The following GLIS3 variants were observed in gnomAD, a reference collection of about 807,000 sequenced individuals.
GLIS3 encodes zinc finger protein GLIS3.
A neutral mutation model predicts 78.6 loss-of-function variants in GLIS3; 53 were observed. The ratio of observed to expected loss-of-function variants is 0.67; its 90% CI spans 0.54 to 0.85. The LOEUF is 0.85. GLIS3 is among the 40% of genes least tolerant of loss of function. The probability of loss-of-function intolerance (pLI) is 0.00; values close to 1 mark genes in which losing one functional copy is unlikely to be tolerated. For missense variants in GLIS3, 1,703 were observed against 1,231.1 expected (o/e 1.38, Z -5.74); for synonymous variants, 684 against 509.9 (o/e 1.34, Z -4.60).
intron 2 of GLIS3, among the ~76,000 whole-genome samples, chr9:4,202,407 T>A: frequency 6.8e-6 from 1 of 146,712 alleles, no homozygotes; most frequent in Admixed American, 6.9e-5. Flanking sequence ...CACCTCAGCC[T>A]CCCAAGGACT....
At chr9:3,911,279 T>A (rs995286310) in intron 6 of GLIS3, among the ~76,000 whole-genome samples, 1 of 152,224 alleles carries the variant, frequency 6.6e-6, no homozygotes, top group Non-Finnish European at 1.5e-5. Context: ...AAAATCATCA[T>A]CAAGTAAAAT....
At chr9:4,267,661 A>T (rs912225900) in intron 2 of GLIS3, among the ~76,000 whole-genome samples, 3 of 152,210 alleles carry the variant, frequency 2.0e-5, no homozygotes, top group African/African-American at 7.2e-5. Flanking sequence ...ACTAGCTCCC[A>T]GTTCCTAAAA....
chr9:4,194,160 C>A (rs946593787), intron 2 of GLIS3, among the ~76,000 whole-genome samples: 3 of 152,154 alleles, frequency 2.0e-5, no homozygotes, highest in Non-Finnish European at 4.4e-5. Flanking sequence ...TGGGTTCAAG[C>A]AACTCTCCTG....
At chr9:4,192,808 T>TAAA (rs60636471) in intron 2 of GLIS3, among the ~76,000 whole-genome samples, 1 of 142,438 alleles carries the variant, frequency 7.0e-6, no homozygotes, top group South Asian at 2.2e-4. Context: ...ATACAATATT[T>TAAA]AAAAAAAAAA....
At chr9:3,980,915 G>C (rs1381693170) in intron 4 of GLIS3, among the ~76,000 whole-genome samples, 1 of 152,134 alleles carries the variant, frequency 6.6e-6, no homozygotes, top group Non-Finnish European at 1.5e-5. Context: ...GCATTTCAAT[G>C]AGCGTTCTGT....
intron 5 of GLIS3, among the ~76,000 whole-genome samples, chr9:3,934,102 T>C (rs1467193989): frequency 6.6e-6 from 1 of 152,204 alleles, no homozygotes; most frequent in Admixed American, 6.5e-5. Context: ...AATAGTGAGT[T>C]TATTATTGGC....
chr9:3,898,672 C>G lies in GLIS3; in HGVS notation c.2128+19G>C. ...TAAAAAAGGGTAGTTGTGGTTGGCT[C>G]TGCCTTTGCTGTCTTTACCTGAATA... is the stretch of plus-strand genomic sequence containing the variant. On this transcript the variant is annotated intron_variant, in intron 7 of 10. Coordinates refer to ENST00000381971, the MANE Select transcript of GLIS3 (RefSeq NM_001042413.2). The G allele has an allele frequency of 1.9e-6, 3 of 1,614,036 alleles. No homozygotes were observed. The highest frequency in any genetic ancestry group is 2.5e-6 in the Non-Finnish European group (3 of 1,179,996).
At chr9:4,024,838 G>T (rs1823187818) in intron 4 of GLIS3, among the ~76,000 whole-genome samples, 1 of 152,134 alleles carries the variant, frequency 6.6e-6, no homozygotes, top group African/African-American at 2.4e-5. Context: ...ATTTAGATCT[G>T]TGATTCTTAG....
intron 4 of GLIS3, among the ~76,000 whole-genome samples, chr9:4,055,211 G>T (rs10123460): frequency 0.05 from 7,632 of 152,248 alleles, 517 homozygotes; most frequent in East Asian, 0.23. Flanking sequence ...GACATCAATA[G>T]AGTTGGCAAG....
chr9:4,212,463 C>A (rs937512191), intron 2 of GLIS3, among the ~76,000 whole-genome samples: 1 of 152,148 alleles, frequency 6.6e-6, no homozygotes, highest in African/African-American at 2.4e-5. Flanking sequence ...AAATGTGGTC[C>A]CTTGCAGTCC....
chr9:3,898,395 A>C (rs1250725281), intron 7 of GLIS3: 4 of 424,026 alleles, frequency 9.4e-6, no homozygotes, highest in Non-Finnish European at 1.3e-5. Context: ...CTTCGAGTCT[A>C]AATCAAGTGA....
At chr9:4,321,675 A>G (rs1284990009) in intron 2 of GLIS3, among the ~76,000 whole-genome samples, 1 of 138,322 alleles carries the variant, frequency 7.2e-6, no homozygotes, top group Non-Finnish European at 1.5e-5. Flanking sequence ...CCTCCTCCAA[A>G]GGTAACTACC....
At chr9:3,845,061 A>G (rs1392404666) in intron 9 of GLIS3, among the ~76,000 whole-genome samples, 18 of 119,596 alleles carry the variant, frequency 1.5e-4, no homozygotes, top group African/African-American at 5.1e-4. Context: ...CTGTGCAAAG[A>G]TATATATATA....
At chr9:4,123,185 A>G (rs536569495) in intron 3 of GLIS3, among the ~76,000 whole-genome samples, 5 of 152,330 alleles carry the variant, frequency 3.3e-5, no homozygotes, top group Non-Finnish European at 4.4e-5. Context: ...GTCAATAATT[A>G]AGAATGCAAA....
At chr9:4,161,037 A>G (rs1835430133) in intron 2 of GLIS3, among the ~76,000 whole-genome samples, 1 of 150,892 alleles carries the variant, frequency 6.6e-6, no homozygotes, top group Non-Finnish European at 1.5e-5. Context: ...TCAAACCAGG[A>G]GTTCGAAATC....
At chr9:4,382,473 G>A in the GLIS3 span, among the ~76,000 whole-genome samples, 1 of 152,064 alleles carries the variant, frequency 6.6e-6, no homozygotes, top group African/African-American at 2.4e-5. Flanking sequence ...TCCTCTTCCT[G>A]GAAGCCTCTC....
the GLIS3 span, among the ~76,000 whole-genome samples, chr9:4,405,208 G>A: frequency 1.3e-5 from 2 of 152,024 alleles, no homozygotes; most frequent in Non-Finnish European, 1.5e-5. Context: ...TACAAAATTA[G>A]CCAGGTTTGG....
At chr9:4,388,479 G>A in the GLIS3 span, among the ~76,000 whole-genome samples, 1 of 152,032 alleles carries the variant, frequency 6.6e-6, no homozygotes, top group Non-Finnish European at 1.5e-5. Context: ...GAGTTCGAGA[G>A]CATCCTGACC....
chr9:4,352,853 G>C (rs1050590110), upstream of GLIS3, among the ~76,000 whole-genome samples: 2 of 152,200 alleles, frequency 1.3e-5, no homozygotes, highest in Non-Finnish European at 2.9e-5. Flanking sequence ...ACCATGAAGA[G>C]AATTTGTGAA....
Sources: gnomAD v4.1 joint callset for allele counts (sites outside exome capture counted in the v4.1 genomes callset) on GRCh38, gnomAD v4.1.1 for gene constraint, MANE v1.5 for transcripts, NCBI Gene and HGNC (gene_info 2026-07-23, HGNC 2026-07-21) for gene names.